Variants in FCHSD2 observed in about 807,000 individuals in gnomAD.
The protein encoded by FCHSD2 is F-BAR and double SH3 domains protein 2.
FCHSD2 carries 38 observed loss-of-function variants against 108.1 expected under a neutral mutation model. The ratio of observed to expected loss-of-function variants is 0.35; its 90% CI spans 0.27 to 0.46. The LOEUF (loss-of-function observed/expected upper bound fraction) is 0.46. Among genes scored for constraint, FCHSD2 ranks in the 20% least tolerant of loss-of-function variants. The pLI is 1.00. For synonymous variants in FCHSD2, 279 were observed against 314.7 expected (o/e 0.89, Z 1.20); for missense variants, 751 against 897.8 (o/e 0.84, Z 2.09).
chr11:73,000,265 T>C (rs1468539178), intron 5 of FCHSD2, among the ~76,000 whole-genome samples: 1 of 152,158 alleles, frequency 6.6e-6, no homozygotes, highest in Non-Finnish European at 1.5e-5. Flanking sequence ...TTTTCTTTCT[T>C]TTACTTTAAT....
intron 6 of FCHSD2, among the ~76,000 whole-genome samples, chr11:72,986,242 C>T (rs1003874217): frequency 2.0e-5 from 3 of 152,192 alleles, no homozygotes; most frequent in Admixed American, 1.3e-4. Context: ...CGGAGTCTCG[C>T]TCTGTTGCCC....
intron 3 of FCHSD2, among the ~76,000 whole-genome samples, chr11:73,016,562 T>C (rs866597759): frequency 6.6e-6 from 1 of 152,292 alleles, no homozygotes; most frequent in Non-Finnish European, 1.5e-5. Flanking sequence ...TCCATCTCCA[T>C]AGAACTCTGA....
chr11:72,867,920 T>A lies in FCHSD2; in HGVS notation c.1253A>T (p.Glu418Val), dbSNP rs751329980. 1 of 1,610,818 alleles carries A rather than the reference T, an allele frequency of 6.2e-7. No homozygotes were observed. Among genetic ancestry groups the A allele is most frequent in the Non-Finnish European group, 8.5e-7 (1 of 1,178,700 alleles). The change falls in exon 13 of 20, where the codon GAA becomes GTA. Residue 418 changes from glutamate to valine, a missense_variant. Physicochemically the swap from Glu to Val is moderately radical, Grantham distance 121. Coordinates refer to ENST00000409418, the MANE Select transcript of FCHSD2 (RefSeq NM_014824.3). ...SAMNQVMEEL[E>V]NERWARPPAV... ...AGGAGGGCGGGCCCATCGCTCATTT[T>A]CCAGTTCTTCCATTACTTGGTTCAT...
intron 9 of FCHSD2, among the ~76,000 whole-genome samples, chr11:72,906,529 G>A (rs951234321): frequency 6.6e-6 from 1 of 152,060 alleles, no homozygotes; most frequent in African/African-American, 2.4e-5. Flanking sequence ...GTATTGCCTA[G>A]GTTTTCTTCT....
intron 3 of FCHSD2, among the ~76,000 whole-genome samples, chr11:73,065,623 A>C (rs943995829): frequency 3.9e-5 from 6 of 152,252 alleles, no homozygotes; most frequent in African/African-American, 1.4e-4. Flanking sequence ...GTCTCAGTCC[A>C]AAATCTCCTT....
At chr11:73,045,684 C>T (rs1372422057) in intron 3 of FCHSD2, among the ~76,000 whole-genome samples, 58 of 150,624 alleles carry the variant, frequency 3.9e-4, no homozygotes, top group African/African-American at 1.3e-3. Context: ...AACCAAACAC[C>T]GCATATTCTC....
At chr11:72,859,310 T>C (rs1249739004) in intron 13 of FCHSD2, among the ~76,000 whole-genome samples, 2 of 152,202 alleles carry the variant, frequency 1.3e-5, no homozygotes, top group Admixed American at 6.5e-5. Context: ...CTTTGTCGAG[T>C]ATATGCAAGC....
intron 2 of FCHSD2, among the ~76,000 whole-genome samples, chr11:73,138,214 C>A (rs1292490950): frequency 6.6e-6 from 1 of 152,106 alleles, no homozygotes; most frequent in South Asian, 2.1e-4. Flanking sequence ...CATTATTGCC[C>A]CATTTTACAA....
chr11:73,055,312 C>T (rs560438182), intron 3 of FCHSD2, among the ~76,000 whole-genome samples: 1 of 150,904 alleles, frequency 6.6e-6, no homozygotes, highest in South Asian at 2.1e-4. Flanking sequence ...CACTGGACTC[C>T]AGCCTGGGCA....
chr11:72,893,112 C>G (rs1195904780), intron 10 of FCHSD2, among the ~76,000 whole-genome samples: 1 of 152,040 alleles, frequency 6.6e-6, no homozygotes, highest in Non-Finnish European at 1.5e-5. Flanking sequence ...GATTCTCATT[C>G]CTCAGCCTCC....
At chr11:72,949,310 C>T (rs1353360574) in intron 8 of FCHSD2, among the ~76,000 whole-genome samples, 1 of 151,842 alleles carries the variant, frequency 6.6e-6, no homozygotes, top group Non-Finnish European at 1.5e-5. Context: ...ATTAGCTGGG[C>T]GTGGTGGTGG....
At chr11:72,856,299 T>C (rs922205119) in intron 13 of FCHSD2, among the ~76,000 whole-genome samples, 3 of 152,000 alleles carry the variant, frequency 2.0e-5, no homozygotes, top group Non-Finnish European at 4.4e-5. Context: ...AGTCAGGATA[T>C]GATGAGTCCA....
At chr11:72,920,388 A>C (rs1855955420) in intron 9 of FCHSD2, among the ~76,000 whole-genome samples, 1 of 152,218 alleles carries the variant, frequency 6.6e-6, no homozygotes, top group African/African-American at 2.4e-5. Context: ...AGGAAAATGT[A>C]AGTTACCCAA....
At chr11:72,988,356 A>G (rs1337303810) in intron 6 of FCHSD2, among the ~76,000 whole-genome samples, 1 of 152,152 alleles carries the variant, frequency 6.6e-6, no homozygotes, top group Non-Finnish European at 1.5e-5. Context: ...TTCTATTACC[A>G]GTTGCCAGTT....
chr11:72,981,322 G>A (rs1310101977), intron 8 of FCHSD2, among the ~76,000 whole-genome samples: 2 of 152,058 alleles, frequency 1.3e-5, no homozygotes, highest in African/African-American at 4.8e-5. Flanking sequence ...AAGTAAGTTC[G>A]AGAACATATA....
intron 8 of FCHSD2, among the ~76,000 whole-genome samples, chr11:72,923,998 T>C (rs1221972157): frequency 6.6e-6 from 1 of 152,202 alleles, no homozygotes; most frequent in African/African-American, 2.4e-5. Context: ...GAATCCTTTA[T>C]ATATTCTGGA....
chr11:73,053,288 A>C (rs1226143605), intron 3 of FCHSD2, among the ~76,000 whole-genome samples: 1 of 152,034 alleles, frequency 6.6e-6, no homozygotes, highest in Admixed American at 6.6e-5. Context: ...GAAGATTCAT[A>C]CAAAAGAAAT....
In FCHSD2 at chr11:73,036,042, A is replaced by G. The variant is rs1350143978; in HGVS notation, c.166-20157T>C. Among the ~76,000 whole-genome samples the G allele has an allele frequency of 3.3e-5, 5 of 152,150 alleles. No homozygotes were observed. In the East Asian group the frequency reaches 9.6e-4, roughly 29 times the overall value. On this transcript the variant is annotated intron_variant, in intron 3 of 19. Transcript: ENST00000409418. ...CCCAGTTTTTATTAATGTTGTTAAA[A>G]CAAGAATGATCAAATATTTAAGCAA...
At chr11:73,060,760 T>G (rs750087526) in intron 3 of FCHSD2, among the ~76,000 whole-genome samples, 2 of 152,124 alleles carry the variant, frequency 1.3e-5, no homozygotes, top group African/African-American at 2.4e-5. Context: ...TGGGCAAGAT[T>G]GAAGTTAGAA....
Sources: gnomAD v4.1 joint callset for allele counts (sites outside exome capture counted in the v4.1 genomes callset) on GRCh38, gnomAD v4.1.1 for gene constraint, MANE v1.5 for transcripts, NCBI Gene and HGNC (gene_info 2026-07-23, HGNC 2026-07-21) for gene names.